Variants in MTUS2 observed in about 807,000 individuals in gnomAD.
MTUS2 encodes microtubule-associated tumor suppressor candidate 2.
In MTUS2, 40 loss-of-function variants were observed where a neutral mutation model predicts 114.1. The ratio of observed to expected loss-of-function variants is 0.35; its 90% CI spans 0.27 to 0.46. The LOEUF (loss-of-function observed/expected upper bound fraction) is 0.46. Among genes scored for constraint, MTUS2 ranks in the 20% least tolerant of loss-of-function variants. The pLI, the probability that MTUS2 is intolerant of heterozygous loss-of-function variation, is 1.00. For missense variants in MTUS2, 1,679 were observed against 1,705.4 expected, an observed-to-expected ratio of 0.98 and a Z score of 0.27; for synonymous variants, 688 against 672.0, an observed-to-expected ratio of 1.02 and a Z score of -0.37.
intron 5 of MTUS2, among the ~76,000 whole-genome samples, chr13:29,183,511 G>A (rs918151269): frequency 6.6e-6 from 1 of 152,164 alleles, no homozygotes; most frequent in Non-Finnish European, 1.5e-5. Flanking sequence ...TGGAGCTAGA[G>A]ATGTAAAATT....
At chr13:29,287,428 A>G (rs912599776) in intron 6 of MTUS2, among the ~76,000 whole-genome samples, 1 of 151,918 alleles carries the variant, frequency 6.6e-6, no homozygotes, top group African/African-American at 2.4e-5. Flanking sequence ...ACCCCACACT[A>G]TTTGCGTTTT....
chr13:28,998,052 T>C (rs1009489805), intron 2 of MTUS2, among the ~76,000 whole-genome samples: 1 of 152,192 alleles, frequency 6.6e-6, no homozygotes, highest in African/African-American at 2.4e-5. Context: ...CCATGTTTAT[T>C]GCTTCCTTCA....
chr13:29,304,280 CACATA>C (rs1373354405), intron 6 of MTUS2, among the ~76,000 whole-genome samples: 1 of 152,006 alleles, frequency 6.6e-6, no homozygotes, highest in Non-Finnish European at 1.5e-5. Flanking sequence ...ATCAAATTTA[CACATA>C]ACAATACCAA....
In MTUS2 at chr13:29,480,145, C is replaced by T. The variant is rs1363083725; in HGVS notation, c.3185-5C>T. The stretch of plus-strand genomic sequence containing the variant: ...TTAAAGAAAGATCTTGTGCTTTGCG[C>T]CCAGCCTTCCATACAGCAAAGTGCG... On this transcript the variant is annotated splice_polypyrimidine_tract_variant and splice_region_variant and intron_variant, in intron 9 of 15. Coordinates refer to ENST00000612955, the MANE Select transcript of MTUS2 (RefSeq NM_001033602.4). This position sits in a 1 kb window ranked among gnomAD's most constrained non-coding sequence, Gnocchi z 4.4. The T allele has an allele frequency of 3.2e-6, 5 of 1,552,188 alleles. No homozygotes were observed. The Admixed American group carries it at 5.9e-5, about 18-fold the overall frequency.
chr13:29,452,453 G>A lies in MTUS2; in HGVS notation c.3184+12404G>A, dbSNP rs1878757764. On this transcript the variant is annotated intron_variant, in intron 9 of 15. Coordinates refer to ENST00000612955, the MANE Select transcript of MTUS2 (RefSeq NM_001033602.4). ...GACAGAGCCTTGCTCTGTCACCTAG[G>A]CTGGAGTGCAGACGTGCAATTGTAA... Among the ~76,000 whole-genome samples, 3 of 151,816 alleles carry A rather than the reference G, an allele frequency of 2.0e-5. No individual in the cohort carries two copies. The South Asian group carries it at 6.3e-4, about 32-fold the overall frequency.
chr13:29,030,848 A>G (rs985898620), intron 3 of MTUS2, among the ~76,000 whole-genome samples: 3 of 152,162 alleles, frequency 2.0e-5, no homozygotes, highest in Non-Finnish European at 2.9e-5. Flanking sequence ...TGGAAAAATC[A>G]AGAGTAAGCA....
chr13:29,025,488 G>A lies in MTUS2; in HGVS notation c.790G>A (p.Ala264Thr). The change falls in exon 3 of 16, where the codon GCA becomes ACA. Residue 264 changes from alanine (A) to threonine (T), a missense_variant. Physicochemically the swap from Ala to Thr is moderately conservative, Grantham distance 58. Coordinates refer to ENST00000612955, the MANE Select transcript of MTUS2 (RefSeq NM_001033602.4). ...TCCCTCAGAGACCCAAACAGTGGGG[G>A]CACATGTACTGCAGGTGTGCAGTGA... ...STPSETQTVGAHVLQVCSEHT... is the reference protein window; with the variant it reads ...STPSETQTVGTHVLQVCSEHT... 6.2e-7 allele frequency: 1 copy of A among 1,613,422 alleles called. No individual in the cohort carries two copies. The highest frequency in any genetic ancestry group is 1.1e-5 in the South Asian group (1 of 90,926).
intron 9 of MTUS2, among the ~76,000 whole-genome samples, chr13:29,468,406 T>A (rs1387334518): frequency 6.6e-6 from 1 of 152,082 alleles, no homozygotes; most frequent in Non-Finnish European, 1.5e-5. Flanking sequence ...TGGTGAAACC[T>A]TGTCTCTACT....
chr13:29,257,854 A>T (rs2992390), intron 5 of MTUS2, among the ~76,000 whole-genome samples: 1,944 of 152,330 alleles, frequency 0.013, 49 homozygotes, highest in African/African-American at 0.045. Context: ...TAGTGGATCC[A>T]TGTGCTTTCC....
chr13:29,168,972 G>A (rs192895450), intron 5 of MTUS2, among the ~76,000 whole-genome samples: 1 of 149,952 alleles, frequency 6.7e-6, no homozygotes. Context: ...GGTCAACTCT[G>A]CCCTTATATT....
intron 6 of MTUS2, among the ~76,000 whole-genome samples, chr13:29,311,041 T>C (rs1287152074): frequency 6.6e-6 from 1 of 152,224 alleles, no homozygotes; most frequent in Non-Finnish European, 1.5e-5. Context: ...GGATCATTAT[T>C]TGTCAATGCA....
At chr13:29,325,466 A>AAAAAAAAAAAG (rs1555265213) in intron 7 of MTUS2, among the ~76,000 whole-genome samples, 2 of 126,406 alleles carry the variant, frequency 1.6e-5, no homozygotes, top group South Asian at 2.5e-4. Context: ...AAAAAAAAAA[A>AAAAAAAAAAAG]AAAAGAAAAG....
chr13:28,930,895 C>G (rs1881580186), intron 2 of MTUS2, among the ~76,000 whole-genome samples: 1 of 152,158 alleles, frequency 6.6e-6, no homozygotes, highest in Non-Finnish European at 1.5e-5. Flanking sequence ...CAGGTAATTG[C>G]AATAACTCCT....
chr13:28,952,725 C>A (rs1403577826), intron 2 of MTUS2, among the ~76,000 whole-genome samples: 2 of 152,178 alleles, frequency 1.3e-5, no homozygotes, highest in Non-Finnish European at 2.9e-5. Flanking sequence ...TTAGTTTTTT[C>A]ATTAAACAAA....
Position 29,024,578 on chromosome 13 carries a change from T to C in MTUS2, c.-121T>C. On this transcript the variant is annotated 5_prime_UTR_variant, in exon 3 of 16. Coordinates refer to ENST00000612955, the MANE Select transcript of MTUS2 (RefSeq NM_001033602.4). The stretch of plus-strand genomic sequence containing the variant: ...GAATGATTAAAGCAGTGTCGCAAGG[T>C]GACATTGTCAGGGGAGAACAAGCAG... 8.2e-7 allele frequency: 1 copy of C among 1,213,532 alleles called. No homozygotes were observed. Among genetic ancestry groups the C allele is most frequent in the South Asian group, 1.5e-5 (1 of 67,728 alleles). 75.2% of individuals were successfully genotyped at this position (1,213,532 alleles called of 1,614,324 possible).
At chr13:28,994,605 A>G (rs939140519) in intron 2 of MTUS2, among the ~76,000 whole-genome samples, 2 of 152,192 alleles carry the variant, frequency 1.3e-5, no homozygotes, top group African/African-American at 4.8e-5. Flanking sequence ...AAATGGTGTG[A>G]GACGGTATCT....
rs112927676 is a variant in MTUS2 at position 29,003,391 on chromosome 13, G to T, written c.-242-21066G>T. The stretch of plus-strand genomic sequence containing the variant: ...GAGTCCATGCCCTTAGCCATGCTCT[G>T]TGCTAGCCTCACTGGATCTTTTCAG... On this transcript the variant is annotated intron_variant, in intron 2 of 15. Transcript: ENST00000612955. Among the ~76,000 whole-genome samples, 546 of 152,300 alleles carry T rather than the reference G, an allele frequency of 3.6e-3. 3 individuals carry two copies. Among genetic ancestry groups the T allele is most frequent in the African/African-American group, 0.013 (522 of 41,566 alleles).
At chr13:29,158,358 C>CCCCCCCCTCCTTT in intron 5 of MTUS2, among the ~76,000 whole-genome samples, 1 of 32,048 alleles carries the variant, frequency 3.1e-5, no homozygotes, top group Non-Finnish European at 5.1e-5. Flanking sequence ...GTCCACCCCG[C>CCCCCCCCTCCTTT]TTTTTTTTTT....
intron 2 of MTUS2, among the ~76,000 whole-genome samples, chr13:28,855,538 T>G (rs1876569876): frequency 6.6e-6 from 1 of 152,166 alleles, no homozygotes; most frequent in African/African-American, 2.4e-5. Context: ...GGTTTTCTGT[T>G]CCTGTGTTAG....
Sources: allele counts gnomAD v4.1 joint callset (sites outside exome capture counted in the v4.1 genomes callset), GRCh38; gene constraint gnomAD v4.1.1; non-coding constraint Gnocchi (gnomAD v3.1); transcripts MANE v1.5; gene names NCBI Gene and HGNC (gene_info 2026-07-23, HGNC 2026-07-21).